FAM174A: variants seen among roughly 807,000 people sequenced by gnomAD.
FAM174A encodes the protein family with sequence similarity 174 member A, also known as membrane protein FAM174A.
FAM174A carries 14 observed loss-of-function variants against 14.3 expected under a neutral mutation model. The ratio of observed to expected loss-of-function variants is 0.98; its 90% CI spans 0.65 to 1.53. The LOEUF (loss-of-function observed/expected upper bound fraction) is 1.53, where lower values mean the gene tolerates loss of function less well. Ranked by LOEUF, FAM174A falls within the 40% of genes most tolerant of loss-of-function variation. The pLI is 0.00. For missense variants in FAM174A, 241 were observed against 249.6 expected (o/e 0.97, Z 0.23); for synonymous variants, 108 against 111.4 (o/e 0.97, Z 0.19).
chr5:100,535,834 G>C lies in FAM174A; in HGVS notation c.304G>C (p.Glu102Gln). 1 of 1,611,784 alleles carries C rather than the reference G, an allele frequency of 6.2e-7. No homozygotes were observed. The highest frequency in any genetic ancestry group is 8.5e-7 in the Non-Finnish European group (1 of 1,179,874). The change falls in exon 1 of 3, where the codon GAA becomes CAA. Residue 102 changes from glutamate (E) to glutamine (Q), a missense_variant. Physicochemically the swap from Glu to Gln is conservative, Grantham distance 29. Transcript: ENST00000312637. ...GGACGATCACGGAGGGAAGGCCGGG[G>C]AAGGCTCGGTGGGTGGCGGCCTTGC... is the stretch of plus-strand genomic sequence containing the variant. Reference protein sequence around the residue: ...ETDDHGGKAGEGSVGGGLAVS... With the variant: ...ETDDHGGKAGQGSVGGGLAVS...
chr5:100,561,585 C>A (rs1580371465), intron 1 of FAM174A, among the ~76,000 whole-genome samples: 1 of 151,924 alleles, frequency 6.6e-6, no homozygotes, highest in East Asian at 1.9e-4. Flanking sequence ...CCAGGTAATT[C>A]TAGTGTGCAG....
At chr5:100,562,562 C>G (rs1248106570) in intron 2 of FAM174A, among the ~76,000 whole-genome samples, 1 of 151,308 alleles carries the variant, frequency 6.6e-6, no homozygotes, top group East Asian at 1.9e-4. Context: ...TTCATTCTTG[C>G]AATATGTATT....
intron 1 of FAM174A, among the ~76,000 whole-genome samples, chr5:100,557,450 T>C (rs1746415512): frequency 6.6e-6 from 1 of 152,212 alleles, no homozygotes; most frequent in Non-Finnish European, 1.5e-5. Context: ...GCTGGCCTCA[T>C]AAAATGAGTT....
chr5:100,535,757 CG>C lies in FAM174A; in HGVS notation c.228del (p.Arg77GlyfsTer35). The C allele has an allele frequency of 3.7e-6, 6 of 1,604,054 alleles. No individual in the cohort carries two copies. Among genetic ancestry groups the C allele is most frequent in the Non-Finnish European group, 4.2e-6 (5 of 1,177,616 alleles). ...PGRGLAEAAG[P>X]RGSEGGNGSN... ...CGTGGTCTGGCTGAAGCTGCGGGGCCGCGGGGCTCCGAGGGAGGCAATGGCA... is the reference window on the plus strand; with the variant it reads ...CGTGGTCTGGCTGAAGCTGCGGGGCCCGGGGCTCCGAGGGAGGCAATGGCA... On this transcript the variant is annotated frameshift_variant, in exon 1 of 3. Transcript: ENST00000312637. LOFTEE classifies it high-confidence loss of function.
chr5:100,538,161 A>G (rs951233252), intron 1 of FAM174A, among the ~76,000 whole-genome samples: 10 of 152,152 alleles, frequency 6.6e-5, no homozygotes, highest in Non-Finnish European at 1.5e-4. Flanking sequence ...ATGTCTGGGC[A>G]GTGTTCCGAA....
intron 1 of FAM174A, among the ~76,000 whole-genome samples, chr5:100,558,203 G>A (rs550627193): frequency 6.6e-6 from 1 of 152,306 alleles, no homozygotes; most frequent in East Asian, 1.9e-4. Context: ...GTACCCAGTA[G>A]TCATTCAGGA....
At chr5:100,549,226 A>G (rs1009078670) in intron 1 of FAM174A, among the ~76,000 whole-genome samples, 1 of 152,120 alleles carries the variant, frequency 6.6e-6, no homozygotes, top group Admixed American at 6.6e-5. Flanking sequence ...ACTGAACTGT[A>G]GATAGAACTT....
intron 2 of FAM174A, among the ~76,000 whole-genome samples, chr5:100,571,193 T>C (rs186749650): frequency 6.6e-6 from 1 of 151,986 alleles, no homozygotes; most frequent in East Asian, 1.9e-4. Context: ...ATATTATCTT[T>C]ATCATGTTTT....
chr5:100,578,003 G>A (rs957362165), intron 2 of FAM174A, among the ~76,000 whole-genome samples: 1 of 152,036 alleles, frequency 6.6e-6, no homozygotes, highest in Admixed American at 6.6e-5. Context: ...TAAGTGTGTA[G>A]GATACAGCAT....
At chr5:100,562,229 A>C in intron 2 of FAM174A, 41 bp downstream of exon 2, 1 of 1,535,642 alleles carries the variant, frequency 6.5e-7, no homozygotes, top group East Asian at 2.5e-5. Flanking sequence ...TCAGGAAGCA[A>C]GTCCTTGCCA....
At chr5:100,584,537 G>A (rs1025774673) in intron 2 of FAM174A, among the ~76,000 whole-genome samples, 2 of 151,914 alleles carry the variant, frequency 1.3e-5, no homozygotes, top group Non-Finnish European at 2.9e-5. Flanking sequence ...ACCATCTTTT[G>A]TTGGCATTAA....
Position 100,535,618 on chromosome 5 carries a change from C to T in FAM174A, c.88C>T (p.Leu30=), listed in dbSNP as rs1238513011. ...GTTGCTGCCTGAACTAAGCGGGCCC[C>T]TGGCAGTCCTGCTGCAGGCAGCCGA... ...LLLLPELSGP[L]AVLLQAAEAA... is the part of the protein sequence containing the mutation. The change falls in exon 1 of 3, where the codon CTG becomes TTG. Residue 30 remains leucine, a synonymous_variant. Coordinates refer to ENST00000312637, the MANE Select transcript of FAM174A (RefSeq NM_198507.3). The T allele has an allele frequency of 6.2e-7, 1 of 1,613,256 alleles. No individual in the cohort carries two copies. The highest frequency in any genetic ancestry group is 8.5e-7 in the Non-Finnish European group (1 of 1,179,950).
At chr5:100,573,022 ATG>A (rs1182489238) in intron 2 of FAM174A, among the ~76,000 whole-genome samples, 7 of 151,984 alleles carry the variant, frequency 4.6e-5, no homozygotes, top group African/African-American at 1.7e-4. Flanking sequence ...GCATTTTTTC[ATG>A]TGTTTTTTGG....
chr5:100,566,149 T>G (rs955345958), intron 2 of FAM174A, among the ~76,000 whole-genome samples: 17 of 116,024 alleles, frequency 1.5e-4, no homozygotes, highest in Admixed American at 2.4e-4. Flanking sequence ...ATGATATATA[T>G]ATATATATAT....
At chr5:100,558,236 A>G (rs1746438656) in intron 1 of FAM174A, among the ~76,000 whole-genome samples, 1 of 152,124 alleles carries the variant, frequency 6.6e-6, no homozygotes, top group Non-Finnish European at 1.5e-5. Flanking sequence ...GTTTCCATGT[A>G]GTTGAGTGGT....
intron 1 of FAM174A, among the ~76,000 whole-genome samples, chr5:100,538,664 G>A (rs985177927): frequency 5.3e-5 from 8 of 152,080 alleles, no homozygotes; most frequent in African/African-American, 1.7e-4. Flanking sequence ...TGCAATATAT[G>A]ATGGGCACTG....
intron 2 of FAM174A, among the ~76,000 whole-genome samples, chr5:100,563,820 A>C (rs1746581901): frequency 6.6e-6 from 1 of 151,914 alleles, no homozygotes; most frequent in Admixed American, 6.6e-5. Context: ...TAGAAATAGA[A>C]ATCAATAACA....
intron 2 of FAM174A, among the ~76,000 whole-genome samples, chr5:100,569,231 CTT>C (rs900598057): frequency 6.6e-6 from 1 of 151,554 alleles, no homozygotes. Context: ...CTGTATTATA[CTT>C]TTTTGTTGTA....
chr5:100,563,567 C>A (rs1431159357), intron 2 of FAM174A, among the ~76,000 whole-genome samples: 1 of 151,768 alleles, frequency 6.6e-6, no homozygotes, highest in African/African-American at 2.4e-5. Context: ...ATCCCACTTA[C>A]AATAATGAAT....
Sources: gnomAD v4.1 joint callset for allele counts (sites outside exome capture counted in the v4.1 genomes callset) on GRCh38, gnomAD v4.1.1 for gene constraint, MANE v1.5 for transcripts, NCBI Gene and HGNC (gene_info 2026-07-23, HGNC 2026-07-21) for gene names.